GRIA4: variants seen among roughly 807,000 people sequenced by gnomAD.
The protein encoded by GRIA4 is glutamate receptor 4.
In GRIA4, 34 loss-of-function variants were observed where a neutral mutation model predicts 104.0. That is an observed-to-expected ratio of 0.33 (90% CI 0.25 to 0.44). GRIA4 has a LOEUF of 0.44. Ranked by LOEUF, GRIA4 falls within the 20% of genes least tolerant of loss-of-function variation. The probability of loss-of-function intolerance (pLI) is 1.00; values close to 1 mark genes in which losing one functional copy is unlikely to be tolerated. For missense variants in GRIA4, 750 were observed against 1,096.5 expected (o/e 0.68, Z 4.46); for synonymous variants, 386 against 381.9 (o/e 1.01, Z -0.13).
In GRIA4 at chr11:105,911,806, A is replaced by ATATATATATATATG. The variant is rs1318702218; in HGVS notation, c.1269+1264_1269+1265insATATATATATGTAT. 3.4e-3 allele frequency: 975 copies of ATATATATATATATG among 285,402 alleles called. 16 individuals are homozygous for ATATATATATATATG. The highest frequency in any genetic ancestry group is 5.0e-3 in the Non-Finnish European group (771 of 152,944). The allele number at this position is 285,402 out of a possible 1,614,324, so 17.7% of individuals were successfully genotyped here. On this transcript the variant is annotated intron_variant, in intron 10 of 16. Transcript: ENST00000282499. ...TATATATATATATATATATATATATATATGTTTCTTTTCCTAAAAAAGACA... is the reference window on the plus strand; with the variant it reads ...TATATATATATATATATATATATATATATATATATATATGTATGTTTCTTTTCCTAAAAAAGACA...
At chr11:105,963,948 T>A (rs1948799974) in intron 14 of GRIA4, among the ~76,000 whole-genome samples, 1 of 152,148 alleles carries the variant, frequency 6.6e-6, no homozygotes, top group Admixed American at 6.5e-5. Context: ...TTTTTAAAAA[T>A]CTTCATATGA....
intron 4 of GRIA4, among the ~76,000 whole-genome samples, chr11:105,771,141 G>T (rs567415486): frequency 8.6e-4 from 131 of 151,936 alleles, no homozygotes; most frequent in Admixed American, 1.6e-3. Flanking sequence ...GTTTTTCATT[G>T]CCATATTCAT....
chr11:105,895,165 T>C (rs1376919898), intron 6 of GRIA4, among the ~76,000 whole-genome samples: 1 of 151,936 alleles, frequency 6.6e-6, no homozygotes, highest in Non-Finnish European at 1.5e-5. Flanking sequence ...CTCAGCAAAT[T>C]GAAGCATATT....
chr11:105,875,917 G>A (rs528913190), intron 5 of GRIA4, among the ~76,000 whole-genome samples: 44 of 151,962 alleles, frequency 2.9e-4, no homozygotes, highest in Middle Eastern at 3.4e-3. Flanking sequence ...GTCTCCTTCA[G>A]TTCTGCTCTG....
intron 4 of GRIA4, among the ~76,000 whole-genome samples, chr11:105,839,233 G>A (rs1944302185): frequency 6.6e-6 from 1 of 152,100 alleles, no homozygotes; most frequent in African/African-American, 2.4e-5. Flanking sequence ...CACTTTGTAT[G>A]GAAGATGTTT....
chr11:105,642,382 ATAT>A (rs1951391679), intron 3 of GRIA4, among the ~76,000 whole-genome samples: 2 of 152,180 alleles, frequency 1.3e-5, no homozygotes, highest in African/African-American at 4.8e-5. Context: ...AGTCTGTTAA[ATAT>A]TATGGTGAAA....
At chr11:105,670,300 T>C (rs547367730) in intron 3 of GRIA4, among the ~76,000 whole-genome samples, 2 of 152,288 alleles carry the variant, frequency 1.3e-5, no homozygotes, top group South Asian at 4.1e-4. Flanking sequence ...GATACTTTAC[T>C]GTAACACTTT....
chr11:105,676,032 G>C (rs1591544358), intron 3 of GRIA4, among the ~76,000 whole-genome samples: 1 of 151,656 alleles, frequency 6.6e-6, no homozygotes, highest in Non-Finnish European at 1.5e-5. Context: ...TATTCAACAA[G>C]TATTTAATGA....
At chr11:105,762,222 C>T (rs1299424880) in intron 4 of GRIA4, among the ~76,000 whole-genome samples, 1 of 152,096 alleles carries the variant, frequency 6.6e-6, no homozygotes, top group Non-Finnish European at 1.5e-5. Flanking sequence ...TGGGGTTTCA[C>T]CATGTTGGCC....
chr11:105,804,076 C>A (rs1942841084), intron 4 of GRIA4, among the ~76,000 whole-genome samples: 1 of 151,692 alleles, frequency 6.6e-6, no homozygotes, highest in African/African-American at 2.4e-5. Flanking sequence ...TGCATTATTA[C>A]CTACTTATGC....
chr11:105,919,429 T>A (rs537184247), intron 11 of GRIA4, among the ~76,000 whole-genome samples: 1 of 152,146 alleles, frequency 6.6e-6, no homozygotes, highest in East Asian at 1.9e-4. Flanking sequence ...TAATGTCAGA[T>A]TCTCACAATT....
chr11:105,730,059 G>A (rs575582410), intron 3 of GRIA4, among the ~76,000 whole-genome samples: 49 of 152,256 alleles, frequency 3.2e-4, no homozygotes, highest in South Asian at 1.0e-3. Flanking sequence ...GAAATAAAGC[G>A]TATTCAAATA....
chr11:105,964,689 G>C (rs1368772517), intron 14 of GRIA4, among the ~76,000 whole-genome samples: 1 of 151,482 alleles, frequency 6.6e-6, no homozygotes, highest in African/African-American at 2.4e-5. Context: ...TTAAATGATG[G>C]AAAAATCTCT....
At chr11:105,662,333 G>A (rs1952037746) in intron 3 of GRIA4, among the ~76,000 whole-genome samples, 1 of 151,830 alleles carries the variant, frequency 6.6e-6, no homozygotes, top group Admixed American at 6.6e-5. Flanking sequence ...AGGTCTGCCT[G>A]TTTCTAAACT....
intron 3 of GRIA4, among the ~76,000 whole-genome samples, chr11:105,734,487 C>T (rs1205147071): frequency 6.6e-6 from 1 of 152,078 alleles, no homozygotes; most frequent in Non-Finnish European, 1.5e-5. Flanking sequence ...TTAATTTTCC[C>T]TACTATAGCT....
At chr11:105,972,062 T>C (rs1367626060) in intron 15 of GRIA4, 34 bp downstream of exon 15, 5 of 1,305,744 alleles carry the variant, frequency 3.8e-6, no homozygotes, top group Admixed American at 3.4e-5. Context: ...TCCTCTTGTG[T>C]TCACAAAGCA....
chr11:105,890,575 T>C (rs950800163), intron 6 of GRIA4, among the ~76,000 whole-genome samples: 5 of 152,210 alleles, frequency 3.3e-5, no homozygotes, highest in African/African-American at 1.2e-4. Context: ...AATACATTGA[T>C]GTATTCTATG....
chr11:105,808,270 G>A (rs532375257), intron 4 of GRIA4, among the ~76,000 whole-genome samples: 4 of 151,988 alleles, frequency 2.6e-5, no homozygotes, highest in African/African-American at 9.6e-5. Context: ...AAATTAAAAT[G>A]CTACTCATAT....
intron 10 of GRIA4, chr11:105,912,227 T>C (rs1947271922): frequency 2.0e-6 from 2 of 988,216 alleles, no homozygotes; most frequent in Non-Finnish European, 2.4e-6. Context: ...TTTCCAAGGG[T>C]AGATTTTCTA....
Sources: allele counts gnomAD v4.1 joint callset (sites outside exome capture counted in the v4.1 genomes callset), GRCh38; gene constraint gnomAD v4.1.1; transcripts MANE v1.5; gene names NCBI Gene and HGNC (gene_info 2026-07-23, HGNC 2026-07-21).